SPTBN2: variants seen among roughly 807,000 people sequenced by gnomAD.
The protein encoded by SPTBN2 is spectrin beta, non-erythrocytic 2, also known as spectrin beta chain, non-erythrocytic 2.
In SPTBN2, 107 loss-of-function variants were observed where a neutral mutation model predicts 284.2. The ratio of observed to expected loss-of-function variants is 0.38; its 90% CI spans 0.32 to 0.44. The LOEUF is 0.44. SPTBN2 is among the 20% of genes least tolerant of loss of function. The probability of loss-of-function intolerance (pLI) is 1.00; values close to 1 mark genes in which losing one functional copy is unlikely to be tolerated. For missense variants in SPTBN2, 2,569 were observed against 3,287.1 expected (o/e 0.78, Z 5.34); for synonymous variants, 1,289 against 1,354.8 (o/e 0.95, Z 1.07).
Position 66,688,017 on chromosome 11 carries a change from C to G in SPTBN2, c.6437G>C (p.Gly2146Ala). ...APSVNGVCTD[G>A]EPSQPLLGQQ... Reference sequence around the variant, plus strand: ...CAGTGGGGTCACCTGTGAGGGCTCTCCATCTGTGCAGACTCCATTAACACT... The same window carrying G: ...CAGTGGGGTCACCTGTGAGGGCTCTGCATCTGTGCAGACTCCATTAACACT... Residue 2146 changes from glycine (G) to alanine (A), a missense_variant, in exon 33 of 38, where the codon GGA becomes GCA. Physicochemically the swap from Gly to Ala is moderately conservative, Grantham distance 60 (BLOSUM62 0). This residue lies in a region of SPTBN2 where 1,130 missense variants were observed against 1,317.3 expected (regional missense o/e 0.86). Transcript: ENST00000533211. 1 of 1,614,222 alleles carries G rather than the reference C, an allele frequency of 6.2e-7. No homozygotes were observed. The highest frequency in any genetic ancestry group is 8.5e-7 in the Non-Finnish European group (1 of 1,180,042).
rs1184780104 is a variant in SPTBN2, at chr11:66,688,649, TC to T, written c.6231+3del. On this transcript the variant is annotated splice_donor_region_variant and intron_variant, in intron 31 of 37. Transcript: ENST00000533211. ...GTGGGCATCCGGGGTCCTGTGTCCC[TC>T]ACCGCAGTAAGCTTCTCCAGCGCAC... The T allele has an allele frequency of 4.3e-6, 7 of 1,613,812 alleles. No homozygotes were observed. The highest frequency in any genetic ancestry group is 5.9e-6 in the Non-Finnish European group (7 of 1,179,994).
Position 66,693,009 on chromosome 11 carries a change from G to T in SPTBN2, c.4946C>A (p.Ala1649Asp). 1 of 1,610,636 alleles carries T rather than the reference G, an allele frequency of 6.2e-7. No homozygotes were observed. Residue 1649 changes from alanine to aspartate, a missense_variant, in exon 25 of 38, where the codon GCC becomes GAC. By Grantham distance (126) the Ala-to-Asp change is moderately radical (BLOSUM62 -2). Around this residue, in one of 6 missense-constraint regions of SPTBN2, gnomAD observed 1,130 missense variants for 1,317.3 expected, o/e 0.86. Coordinates refer to ENST00000533211, the MANE Select transcript of SPTBN2 (RefSeq NM_006946.4). The surrounding 1 kb of genome is among the most constrained non-coding windows in gnomAD (Gnocchi z 5.7). ...GTGGTCAATCATGTCCTGGCTGCTG[G>T]CCGCCAGCTGGTGGATGGTCTGCGC... Reference protein sequence around the residue: ...DYAQTIHQLAASSQDMIDHEH... With the variant: ...DYAQTIHQLADSSQDMIDHEH...
Position 66,685,835 on chromosome 11 carries a change from C to A in SPTBN2, c.*36G>T. Reference sequence around the variant, plus strand: ...CGACTGTCCCTGGCAGTTTCCTGAACGGAGGGAGGGAGTTGGCCTGGGACC... The same window carrying A: ...CGACTGTCCCTGGCAGTTTCCTGAAAGGAGGGAGGGAGTTGGCCTGGGACC... On this transcript the variant is annotated 3_prime_UTR_variant, in exon 38 of 38. Coordinates refer to ENST00000533211, the MANE Select transcript of SPTBN2 (RefSeq NM_006946.4). This position sits in a 1 kb window ranked among gnomAD's most constrained non-coding sequence, Gnocchi z 4.4. 1 of 1,599,064 alleles carries A rather than the reference C, an allele frequency of 6.3e-7. No individual in the cohort carries two copies. The highest frequency in any genetic ancestry group is 1.1e-5 in the South Asian group (1 of 90,564).
chr11:66,690,773 G>A (rs539981441), intron 27 of SPTBN2, among the ~76,000 whole-genome samples: 1 of 152,282 alleles, frequency 6.6e-6, no homozygotes, highest in African/African-American at 2.4e-5. Context: ...AAGGGGGCTT[G>A]TCATCAAAAG....
intron 15 of SPTBN2, among the ~76,000 whole-genome samples, 160 bp from the exon 16 acceptor site, chr11:66,701,881 T>C: frequency 6.6e-6 from 1 of 152,160 alleles, no homozygotes; most frequent in Non-Finnish European, 1.5e-5. Flanking sequence ...TCATAGTATC[T>C]GTGCATCAAG....
Position 66,691,007 on chromosome 11 carries a change from G to A in SPTBN2, c.5565+277C>T, listed in dbSNP as rs1362997220. Among the ~76,000 whole-genome samples the A allele has an allele frequency of 6.6e-6, 1 of 152,086 alleles. No homozygotes were observed. The highest frequency in any genetic ancestry group is 2.1e-4 in the South Asian group (1 of 4,830). On this transcript the variant is annotated intron_variant, in intron 27 of 37. Coordinates refer to ENST00000533211, the MANE Select transcript of SPTBN2 (RefSeq NM_006946.4). This position sits in a 1 kb window ranked among gnomAD's most constrained non-coding sequence, Gnocchi z 8.0. ...TAATTTTGTATTTTTAGTAGAGAAGGGGTTTCTCCATGTTGGTCAGGCTGG... is the reference window on the plus strand; with the variant it reads ...TAATTTTGTATTTTTAGTAGAGAAGAGGTTTCTCCATGTTGGTCAGGCTGG...
At position 66,715,797 on chromosome 11, in the gene SPTBN2, GC is replaced by G. The variant is rs746492956; in HGVS notation, c.309+32del. The G allele has an allele frequency of 1.1e-5, 18 of 1,611,604 alleles. No individual in the cohort carries two copies. Among genetic ancestry groups the G allele is most frequent in the African/African-American group, 8.0e-5 (6 of 74,844 alleles). ...TGGTCCCCTTGGACACTTTTCTAAGGCCCCCCCACTTCCCTTCATGACCACA... is the reference window on the plus strand; with the variant it reads ...TGGTCCCCTTGGACACTTTTCTAAGGCCCCCCACTTCCCTTCATGACCACA... On this transcript the variant is annotated intron_variant, in intron 4 of 37. Coordinates refer to ENST00000533211, the MANE Select transcript of SPTBN2 (RefSeq NM_006946.4). The surrounding 1 kb of genome is among the most constrained non-coding windows in gnomAD (Gnocchi z 5.3).
At chr11:66,742,225 TAAG>T (rs1942900150) in intron 1 of SPTBN2, among the ~76,000 whole-genome samples, 1 of 152,208 alleles carries the variant, frequency 6.6e-6, no homozygotes, top group Non-Finnish European at 1.5e-5. Flanking sequence ...TTAAGATGAA[TAAG>T]AAAAAGTGAA....
chr11:66,705,436 C>G lies in SPTBN2; in HGVS notation c.1840G>C (p.Glu614Gln). The G allele has an allele frequency of 6.2e-7, 1 of 1,613,062 alleles. No homozygotes were observed. Among genetic ancestry groups the G allele is most frequent in the African/African-American group, 1.3e-5 (1 of 75,068 alleles). Residue 614 changes from glutamate to glutamine, a missense_variant, in exon 15 of 38, where the codon GAG (glutamate) becomes CAG (glutamine). Glu to Gln is a conservative substitution (Grantham distance 29). Transcript: ENST00000533211. ...YRPCDPQLVS[E>Q]RVAKLEQSYE... The stretch of plus-strand genomic sequence containing the variant: ...CTCTGCTCTAGCTTGGCCACCCGCT[C>G]CGACACCAGCTGCGGGTCGCAAGGT...
At position 66,696,303 on chromosome 11, in the gene SPTBN2, C is replaced by T. The variant is rs777965059; in HGVS notation, c.4252G>A (p.Val1418Ile). 76 of 1,612,602 alleles carry T rather than the reference C, an allele frequency of 4.7e-5. No homozygotes were observed. Among genetic ancestry groups the T allele is most frequent in the Non-Finnish European group, 6.1e-5 (72 of 1,180,028 alleles). The change falls in exon 21 of 38, where the codon GTC (valine) becomes ATC (isoleucine). Residue 1418 changes from valine (V) to isoleucine (I), a missense_variant. Physicochemically the swap from Val to Ile is conservative, Grantham distance 29. Coordinates refer to ENST00000533211, the MANE Select transcript of SPTBN2 (RefSeq NM_006946.4). ...SDDYGKDLTS[V>I]NILLKKQQML... ...TGCTGCTTCTTGAGCAGGATGTTGA[C>T]GCTGGTGAGGTCCTTGCCGTAGTCA...
intron 27 of SPTBN2, 169 bp from the exon 28 acceptor site, chr11:66,690,452 A>G (rs934935454): frequency 7.6e-6 from 7 of 916,562 alleles, no homozygotes; most frequent in Non-Finnish European, 9.6e-6. Flanking sequence ...GGCTGGCCAC[A>G]CTCTGCCCTG....
In SPTBN2 at chr11:66,738,381, T is replaced by G. The variant is rs75553893; in HGVS notation, c.-475+6161A>C. Among the ~76,000 whole-genome samples the G allele has an allele frequency of 1.1e-3, 171 of 152,342 alleles. 1 individual carries two copies. Among genetic ancestry groups the G allele is most frequent in the African/African-American group, 4.1e-3 (169 of 41,564 alleles). ...AGAAAGAGGTAAAATGGGAAAAGAATAGAGACATCCTGACCCTTTCAGACC... is the reference window on the plus strand; with the variant it reads ...AGAAAGAGGTAAAATGGGAAAAGAAGAGAGACATCCTGACCCTTTCAGACC... On this transcript the variant is annotated intron_variant, in intron 1 of 37. Coordinates refer to the SPTBN2 transcript ENST00000611817.
At chr11:66,731,981 G>A (rs535290412), upstream of SPTBN2, among the ~76,000 whole-genome samples, 1 of 152,326 alleles carries the variant, frequency 6.6e-6, no homozygotes, top group Non-Finnish European at 1.5e-5. Context: ...AGTTCAGGAT[G>A]TTAAGAGAGA....
chr11:66,686,451 A>G lies in SPTBN2; in HGVS notation c.6897-11T>C. 6.2e-7 allele frequency: 1 copy of G among 1,613,842 alleles called. No individual in the cohort carries two copies. Among genetic ancestry groups the G allele is most frequent in the Non-Finnish European group, 8.5e-7 (1 of 1,179,836 alleles). ...TTTCCATCCTGTAAGCTGTTGGGAG[A>G]GAGAGGCCACAGGGCAGAGCTGAGA... is the stretch of plus-strand genomic sequence containing the variant. On this transcript the variant is annotated splice_polypyrimidine_tract_variant and intron_variant, in intron 36 of 37. Coordinates refer to ENST00000533211, the MANE Select transcript of SPTBN2 (RefSeq NM_006946.4).
At chr11:66,699,224 C>G in intron 18 of SPTBN2, 142 bp from the exon 19 acceptor site, 1 of 1,308,866 alleles carries the variant, frequency 7.6e-7, no homozygotes, top group African/African-American at 1.5e-5. Context: ...TCCTGACTTC[C>G]TTTTAGCCCT....
rs1942738232 is a variant in SPTBN2 at position 66,728,902 on chromosome 11, C to T, written c.-275G>A. On this transcript the variant is annotated 5_prime_UTR_variant, in exon 1 of 38. Coordinates refer to ENST00000533211, the MANE Select transcript of SPTBN2 (RefSeq NM_006946.4). ...TCCGCTAAGCATTCCTCTCACCCGT[C>T]CCCTCGCTCTCGCGTCCTCCTTCAG... 6.5e-6 allele frequency: 1 copy of T among 152,702 alleles called. No individual in the cohort carries two copies. The highest frequency in any genetic ancestry group is 1.5e-5 in the Non-Finnish European group (1 of 68,446). The allele number at this position is 152,702 out of a possible 1,614,324, so 9.5% of individuals were successfully genotyped here.
At chr11:66,736,094 A>T (rs906161280) in intron 1 of SPTBN2, among the ~76,000 whole-genome samples, 7 of 152,164 alleles carry the variant, frequency 4.6e-5, no homozygotes, top group African/African-American at 1.4e-4. Context: ...AAAGTCTGCA[A>T]ATGAGCCAAG....
upstream of SPTBN2, among the ~76,000 whole-genome samples, chr11:66,731,033 T>G (rs1045501947): frequency 3.9e-5 from 6 of 152,210 alleles, no homozygotes; most frequent in Admixed American, 3.9e-4. Context: ...ACTGACTATG[T>G]GACCTTGGGC....
At chr11:66,742,921 T>C (rs1037708057) in intron 1 of SPTBN2, among the ~76,000 whole-genome samples, 12 of 152,140 alleles carry the variant, frequency 7.9e-5, no homozygotes. Flanking sequence ...CGATGGGAAA[T>C]ATTTTAAAGA....
Sources: gnomAD v4.1 joint callset for allele counts (sites outside exome capture counted in the v4.1 genomes callset) on GRCh38, gnomAD v4.1.1 for gene constraint, gnomAD v4.1.1 regional missense constraint, Gnocchi (gnomAD v3.1) non-coding constraint, MANE v1.5 for transcripts, NCBI Gene and HGNC (gene_info 2026-07-23, HGNC 2026-07-21) for gene names.